The following ADCY5 variants were observed in gnomAD, a reference collection of about 807,000 sequenced individuals.
ADCY5 encodes the protein adenylate cyclase type 5.
In ADCY5, 30 loss-of-function variants were observed where a neutral mutation model predicts 119.7. That is an observed-to-expected ratio of 0.25 (90% CI 0.19 to 0.34). The LOEUF (loss-of-function observed/expected upper bound fraction) is 0.34, where lower values mean the gene tolerates loss of function less well. Among genes scored for constraint, ADCY5 ranks in the 10% least tolerant of loss-of-function variants. The pLI is 1.00. For missense variants in ADCY5, 1,324 were observed against 1,775.2 expected (o/e 0.75, Z 4.57); for synonymous variants, 753 against 762.2 (o/e 0.99, Z 0.20).
At chr3:123,319,987 C>T (rs1365731398) in intron 9 of ADCY5, among the ~76,000 whole-genome samples, 169 bp from the exon 10 acceptor site, 1 of 152,244 alleles carries the variant, frequency 6.6e-6, no homozygotes, top group African/African-American at 2.4e-5. Context: ...CTAAGCCGTG[C>T]TCTTAACAAC....
intron 1 of ADCY5, among the ~76,000 whole-genome samples, chr3:123,368,642 C>T (rs1036056169): frequency 6.6e-6 from 1 of 151,920 alleles, no homozygotes; most frequent in Non-Finnish European, 1.5e-5. Context: ...GTTCCAGCTA[C>T]TCGAGAGTCT....
intron 1 of ADCY5, among the ~76,000 whole-genome samples, chr3:123,445,861 G>A (rs1483283400): frequency 6.6e-6 from 1 of 152,204 alleles, no homozygotes; most frequent in African/African-American, 2.4e-5. Flanking sequence ...TGGGATTTGT[G>A]CATCCATGGA....
Position 123,448,797 on chromosome 3 carries a change from G to A in ADCY5, c.-252C>T, listed in dbSNP as rs1424528966. The A allele has an allele frequency of 5.3e-6, 2 of 379,190 alleles. No homozygotes were observed. The highest frequency in any genetic ancestry group is 9.3e-6 in the Non-Finnish European group (2 of 214,432). 23.5% of individuals were successfully genotyped at this position (379,190 alleles called of 1,614,324 possible). On this transcript the variant is annotated 5_prime_UTR_variant, in exon 1 of 21. Coordinates refer to ENST00000462833, the MANE Select transcript of ADCY5 (RefSeq NM_183357.3). Reference sequence around the variant, plus strand: ...GGTCCGAAATGGAGTTGCCTCCGAGGTGGGGTCGCAGGGACTGGTCTGGCT... The same window carrying A: ...GGTCCGAAATGGAGTTGCCTCCGAGATGGGGTCGCAGGGACTGGTCTGGCT...
chr3:123,354,431 C>G (rs1942967396), intron 1 of ADCY5, among the ~76,000 whole-genome samples: 1 of 152,118 alleles, frequency 6.6e-6, no homozygotes, highest in South Asian at 2.1e-4. Context: ...CCCCTAAGAC[C>G]AGGGAGAAGA....
Position 123,297,462 on chromosome 3 carries a change from C to A in ADCY5, c.2901-80G>T. Reference sequence around the variant, plus strand: ...CTCCACTCCTGCTCAGCCCCCACGCCCTGCTCTGCTGTCCCCACCACTGCT... The same window carrying A: ...CTCCACTCCTGCTCAGCCCCCACGCACTGCTCTGCTGTCCCCACCACTGCT... On this transcript the variant is annotated intron_variant, in intron 15 of 20. Coordinates refer to ENST00000462833, the MANE Select transcript of ADCY5 (RefSeq NM_183357.3). 3 of 1,469,462 alleles carry A rather than the reference C, an allele frequency of 2.0e-6. No homozygotes were observed. In the South Asian group the frequency reaches 3.4e-5, roughly 17 times the overall value. The allele number at this position is 1,469,462 out of a possible 1,614,324, so 91.0% of individuals were successfully genotyped here. A position where few individuals can be genotyped will look rare whatever the true frequency, so the allele number is the denominator to read the frequency against.
intron 1 of ADCY5, among the ~76,000 whole-genome samples, chr3:123,412,725 C>T (rs1323550574): frequency 2.6e-5 from 4 of 151,966 alleles, no homozygotes; most frequent in African/African-American, 9.7e-5. Flanking sequence ...TTTCCTATCT[C>T]TGTTCTTCAG....
At chr3:123,357,216 T>G (rs1028542337) in intron 1 of ADCY5, among the ~76,000 whole-genome samples, 1 of 152,058 alleles carries the variant, frequency 6.6e-6, no homozygotes, top group Non-Finnish European at 1.5e-5. Context: ...AAGTGAATTT[T>G]ACTGTATGTA....
In ADCY5 at chr3:123,405,475, G is replaced by C. The variant is rs532553813; in HGVS notation, c.1134+41937C>G. On this transcript the variant is annotated intron_variant, in intron 1 of 20. Coordinates refer to ENST00000462833, the MANE Select transcript of ADCY5 (RefSeq NM_183357.3). Reference sequence around the variant, plus strand: ...AACTTGGTTCTCTCCTTTAGGACCTGAGAGATCTGTGAGAGGTGAGGAGGG... The same window carrying C: ...AACTTGGTTCTCTCCTTTAGGACCTCAGAGATCTGTGAGAGGTGAGGAGGG... Among the ~76,000 whole-genome samples the C allele has an allele frequency of 2.0e-5, 3 of 152,298 alleles. No homozygotes were observed. In the East Asian group the frequency reaches 5.8e-4, roughly 29 times the overall value.
At chr3:123,297,221 C>T in intron 16 of ADCY5, 132 bp downstream of exon 16, 1 of 1,412,870 alleles carries the variant, frequency 7.1e-7, no homozygotes, top group Non-Finnish European at 9.9e-7. Context: ...AACCAGCCTC[C>T]CTGTCCTGTT....
At chr3:123,401,789 G>A (rs1944760041) in intron 1 of ADCY5, among the ~76,000 whole-genome samples, 1 of 152,170 alleles carries the variant, frequency 6.6e-6, no homozygotes, top group African/African-American at 2.4e-5. Flanking sequence ...GAGAGGTAGT[G>A]TGGCAGGTAG....
At chr3:123,288,576 T>A (rs755691114) in intron 19 of ADCY5, among the ~76,000 whole-genome samples, 4 of 152,064 alleles carry the variant, frequency 2.6e-5, no homozygotes, top group Non-Finnish European at 5.9e-5. Context: ...CAGAAATACT[T>A]TGGGCTTTGT....
At chr3:123,410,678 A>G (rs1401243038) in intron 1 of ADCY5, among the ~76,000 whole-genome samples, 1 of 151,990 alleles carries the variant, frequency 6.6e-6, no homozygotes, top group Non-Finnish European at 1.5e-5. Context: ...GAATCTCACT[A>G]GCTCTGTCGC....
chr3:123,298,616 GC>G (rs1200608506), intron 15 of ADCY5, among the ~76,000 whole-genome samples: 2 of 151,846 alleles, frequency 1.3e-5, no homozygotes, highest in Non-Finnish European at 2.9e-5. Flanking sequence ...ACTTTCTCAG[GC>G]GACACCACCT....
At chr3:123,318,566 A>G (rs1941047432) in intron 10 of ADCY5, among the ~76,000 whole-genome samples, 1 of 152,158 alleles carries the variant, frequency 6.6e-6, no homozygotes, top group Non-Finnish European at 1.5e-5. Context: ...GTCACATCTG[A>G]GGCTCCCAGC....
chr3:123,327,529 C>T (rs1235537934), intron 7 of ADCY5, 89 bp downstream of exon 7: 15 of 1,349,180 alleles, frequency 1.1e-5, no homozygotes, highest in Non-Finnish European at 1.4e-5. Flanking sequence ...TGACTTCACT[C>T]AAGGAAAGAG....
At chr3:123,396,069 G>GGA (rs1310383163) in intron 1 of ADCY5, among the ~76,000 whole-genome samples, 221 of 9,154 alleles carry the variant, frequency 0.024, no homozygotes, top group East Asian at 0.035. Flanking sequence ...AGGGTGGGAG[G>GGA]GAGAGGGAGG....
chr3:123,338,258 C>A (rs554711966), intron 3 of ADCY5, among the ~76,000 whole-genome samples: 1 of 152,298 alleles, frequency 6.6e-6, no homozygotes, highest in South Asian at 2.1e-4. Context: ...GCCAGGTGTG[C>A]GGAAACCCAG....
chr3:123,385,282 CA>C (rs1417325816), intron 1 of ADCY5, among the ~76,000 whole-genome samples: 2 of 133,296 alleles, frequency 1.5e-5, no homozygotes, highest in Admixed American at 7.4e-5. Context: ...ATGTCCACTG[CA>C]GACACACACG....
chr3:123,293,311 G>T (rs1939280158), intron 17 of ADCY5, among the ~76,000 whole-genome samples: 1 of 152,162 alleles, frequency 6.6e-6, no homozygotes, highest in Non-Finnish European at 1.5e-5. Flanking sequence ...CTGTACAGGG[G>T]CTGCTAAGCC....
Sources: gnomAD v4.1 joint callset for allele counts (sites outside exome capture counted in the v4.1 genomes callset) on GRCh38, gnomAD v4.1.1 for gene constraint, MANE v1.5 for transcripts, NCBI Gene and HGNC (gene_info 2026-07-23, HGNC 2026-07-21) for gene names.